The following ARL10 variants were observed in gnomAD, a reference collection of about 807,000 sequenced individuals.
The protein encoded by ARL10 is ADP-ribosylation factor-like protein 10.
ARL10 carries 23 observed loss-of-function variants against 26.1 expected under a neutral mutation model. That is an observed-to-expected ratio of 0.88 (90% CI 0.63 to 1.25). ARL10 has a LOEUF of 1.25. ARL10 is among the 50% of genes most tolerant of loss of function. The pLI, the probability that ARL10 is intolerant of heterozygous loss-of-function variation, is 0.00. For missense variants in ARL10, 300 were observed against 323.6 expected (o/e 0.93, Z 0.56); for synonymous variants, 138 against 149.1 (o/e 0.93, Z 0.54).
At chr5:176,391,715 G>A (rs1756267737), downstream of ARL10, among the ~76,000 whole-genome samples, 1 of 152,232 alleles carries the variant, frequency 6.6e-6, no homozygotes, top group Non-Finnish European at 1.5e-5. Flanking sequence ...TGATGCGTCT[G>A]CCAGCTAAGG....
chr5:176,383,078 A>AG (rs979730716), downstream of ARL10, among the ~76,000 whole-genome samples: 1 of 152,154 alleles, frequency 6.6e-6, no homozygotes, highest in Non-Finnish European at 1.5e-5. Flanking sequence ...GGGTCCTTAA[A>AG]GGGGAAGACA....
chr5:176,389,436 G>A, downstream of ARL10: 12 of 1,614,174 alleles, frequency 7.4e-6, no homozygotes, highest in Non-Finnish European at 1.0e-5. Flanking sequence ...GCCGCCCAGG[G>A]TTTCACGGTC....
At chr5:176,412,107 C>T in the ARL10 span, among the ~76,000 whole-genome samples, 157 of 145,164 alleles carry the variant, frequency 1.1e-3, no homozygotes, top group Non-Finnish European at 1.8e-3. Flanking sequence ...ACCCGGGAGG[C>T]GGAGCTTGCA....
chr5:176,385,235 C>G (rs766126221), downstream of ARL10: 5 of 1,605,656 alleles, frequency 3.1e-6, no homozygotes, highest in Non-Finnish European at 4.3e-6. Flanking sequence ...TAGTCCTCCC[C>G]GTGGTTCTCT....
rs562674279 is a variant in ARL10, at chr5:176,374,744, A to T, written c.*2849A>T. The T allele has an allele frequency of 2.6e-5, 4 of 152,348 alleles. No homozygotes were observed. The highest frequency in any genetic ancestry group is 5.9e-5 in the Non-Finnish European group (4 of 68,032). The allele number at this position is 152,348 out of a possible 1,614,324, so 9.4% of individuals were successfully genotyped here. ...GGTAACACAAGTCATGGTGATTGGG[A>T]TACCCACTAAAAGAAACATGAAGAT... On this transcript the variant is annotated 3_prime_UTR_variant, in exon 4 of 4. Transcript: ENST00000310389.
At chr5:176,396,142 CAAAA>C (rs1283361113) in intron 1 of ARL10, among the ~76,000 whole-genome samples, 3 of 152,100 alleles carry the variant, frequency 2.0e-5, no homozygotes, top group Admixed American at 2.0e-4. Context: ...TCTCAAAAAA[CAAAA>C]AACCCTTCAC....
chr5:176,392,633 C>T, downstream of ARL10: 1 of 967,844 alleles, frequency 1.0e-6, no homozygotes, highest in Non-Finnish European at 1.5e-6. The surrounding 1 kb of genome is among the most constrained non-coding windows in gnomAD (Gnocchi z 5.2). Context: ...GGTGAGGGCC[C>T]CCCTCCCAGC....
downstream of ARL10, among the ~76,000 whole-genome samples, chr5:176,390,080 G>A (rs1247093670): frequency 6.6e-6 from 1 of 151,408 alleles, no homozygotes; most frequent in Non-Finnish European, 1.5e-5. Context: ...TACTCGCGAG[G>A]CTGAGGCAGG....
rs1156274474 is a variant in ARL10, at chr5:176,375,532, T to C, written c.*3637T>C. 3 of 152,208 alleles carry C rather than the reference T, an allele frequency of 2.0e-5. No individual in the cohort carries two copies. Among genetic ancestry groups the C allele is most frequent in the Non-Finnish European group, 4.4e-5 (3 of 68,044 alleles). The allele number at this position is 152,208 out of a possible 1,614,324, so 9.4% of individuals were successfully genotyped here. A position where few individuals can be genotyped will look rare whatever the true frequency, so the allele number is the denominator to read the frequency against. Reference sequence around the variant, plus strand: ...AACTAACTAATCATCTGTTTCAAGGTTGGTATTCATTTTAGTCTTTGACCT... The same window carrying C: ...AACTAACTAATCATCTGTTTCAAGGCTGGTATTCATTTTAGTCTTTGACCT... On this transcript the variant is annotated 3_prime_UTR_variant, in exon 4 of 4. Transcript: ENST00000310389.
At chr5:176,388,510 C>T (rs767155534) in exon 2 of ARL10, 3 of 1,613,762 alleles carry the variant, frequency 1.9e-6, no homozygotes, top group African/African-American at 1.3e-5. Context: ...CAAACTTCTG[C>T]CTCCGGGTTT....
In ARL10 at chr5:176,367,597, G is replaced by A. The variant is rs547194896; in HGVS notation, c.385+1016G>A. 3.9e-5 allele frequency among the ~76,000 whole-genome samples: 6 copies of A among 152,246 alleles called. No homozygotes were observed. The East Asian group carries it at 1.2e-3, about 29-fold the overall frequency. ...GTGGCCCGCCCCAGCCAGCCTCACA[G>A]CCATCTCTTTCTCCTTCTTGCAGTG... On this transcript the variant is annotated intron_variant, in intron 2 of 3. Transcript: ENST00000310389.
At chr5:176,410,135 C>T in the ARL10 span, 1 of 836,766 alleles carries the variant, frequency 1.2e-6, no homozygotes, top group Non-Finnish European at 1.9e-6. Context: ...ATGTTTCCAC[C>T]CCAATGCATC....
rs1009333272 is a variant in ARL10 at position 176,375,705 on chromosome 5, A to G, written c.*3810A>G. ...AGCTGGAAAGTGGGGGCCACCTGGT[A>G]GCATTTGAGCAGGGGTCACTTATGT... On this transcript the variant is annotated 3_prime_UTR_variant, in exon 4 of 4. Coordinates refer to ENST00000310389, the MANE Select transcript of ARL10 (RefSeq NM_173664.6). 2.0e-5 allele frequency: 3 copies of G among 152,192 alleles called. No homozygotes were observed. The highest frequency in any genetic ancestry group is 6.5e-5 in the Admixed American group (1 of 15,284). 9.4% of individuals were successfully genotyped at this position (152,192 alleles called of 1,614,324 possible). A position where few individuals can be genotyped will look rare whatever the true frequency, so the allele number is the denominator to read the frequency against.
chr5:176,401,042 C>T (rs1001690793), intron 1 of ARL10, among the ~76,000 whole-genome samples: 2 of 152,228 alleles, frequency 1.3e-5, no homozygotes, highest in African/African-American at 4.8e-5. Context: ...GCCACCCTTA[C>T]TCCTCTCCAG....
At chr5:176,400,937 A>G (rs1756786988) in intron 1 of ARL10, among the ~76,000 whole-genome samples, 1 of 152,162 alleles carries the variant, frequency 6.6e-6, no homozygotes, top group African/African-American at 2.4e-5. Context: ...TCAGGGCTAC[A>G]GTCTCCAGCT....
At chr5:176,409,935 G>A in the ARL10 span, among the ~76,000 whole-genome samples, 10 of 152,154 alleles carry the variant, frequency 6.6e-5, no homozygotes, top group South Asian at 4.1e-4. Flanking sequence ...TCTGCCTCCC[G>A]TCAGTGGTGA....
At chr5:176,412,456 G>A in the ARL10 span, among the ~76,000 whole-genome samples, 1 of 152,120 alleles carries the variant, frequency 6.6e-6, no homozygotes, top group Admixed American at 6.6e-5. Flanking sequence ...AGTAACTATT[G>A]GCTAAATGGA....
At chr5:176,409,460 C>A in the ARL10 span, among the ~76,000 whole-genome samples, 1 of 125,350 alleles carries the variant, frequency 8.0e-6, no homozygotes, top group Admixed American at 9.8e-5. Context: ...ATCTCCCAGG[C>A]TGGAGAGCAA....
At chr5:176,369,498 G>C (rs1371481047) in intron 3 of ARL10, among the ~76,000 whole-genome samples, 1 of 152,180 alleles carries the variant, frequency 6.6e-6, no homozygotes, top group Non-Finnish European at 1.5e-5. Flanking sequence ...TTCCCAAAGT[G>C]CTGGAATTAT....
Sources: allele counts gnomAD v4.1 joint callset (sites outside exome capture counted in the v4.1 genomes callset), GRCh38; gene constraint gnomAD v4.1.1; non-coding constraint Gnocchi (gnomAD v3.1); transcripts MANE v1.5; gene names NCBI Gene and HGNC (gene_info 2026-07-23, HGNC 2026-07-21).